MYCBP2: variants seen among roughly 807,000 people sequenced by gnomAD.
The protein encoded by MYCBP2 is E3 ubiquitin-protein ligase MYCBP2.
Under a neutral mutation model 525.3 loss-of-function variants are expected in MYCBP2, and 120 were observed. The observed-to-expected ratio is 0.23, with a 90% CI of 0.20 to 0.27. The LOEUF is 0.27. Among genes scored for constraint, MYCBP2 ranks in the 10% least tolerant of loss-of-function variants. MYCBP2 has a pLI of 1.00. For missense variants in MYCBP2, 4,149 were observed against 5,657.1 expected, an observed-to-expected ratio of 0.73 and a Z score of 8.55; for synonymous variants, 1,894 against 1,955.8, an observed-to-expected ratio of 0.97 and a Z score of 0.83.
Position 77,205,529 on chromosome 13 carries a change from T to C in MYCBP2, c.3659A>G (p.Gln1220Arg), listed in dbSNP as rs2063225295. 1 of 1,613,550 alleles carries C rather than the reference T, an allele frequency of 6.2e-7. No homozygotes were observed. Among genetic ancestry groups the C allele is most frequent in the Non-Finnish European group, 8.5e-7 (1 of 1,179,780 alleles). ...MGVASTEEET[Q>R]AVMKVYSKED... is the part of the protein sequence containing the mutation. Reference sequence around the variant, plus strand: ...TTTAGAATAAACCTTCATTACTGCTTGAGTCTCTTCCTCTGTACTTGCAAC... The same window carrying C: ...TTTAGAATAAACCTTCATTACTGCTCGAGTCTCTTCCTCTGTACTTGCAAC... Residue 1220 changes from glutamine to arginine, a missense_variant, in exon 25 of 83, where the codon CAA (glutamine) becomes CGA (arginine). Gln to Arg is a conservative substitution (Grantham distance 43). Around this residue, in one of 21 missense-constraint regions of MYCBP2, gnomAD observed 620 missense variants for 795.5 expected, o/e 0.78. Transcript: ENST00000544440.
chr13:77,112,214 T>G (rs2048934759), intron 55 of MYCBP2, among the ~76,000 whole-genome samples: 1 of 151,160 alleles, frequency 6.6e-6, no homozygotes, highest in African/African-American at 2.4e-5. Flanking sequence ...TTGCTTGTTA[T>G]GATGGATAAC....
chr13:77,056,115 T>G (rs1276090064), intron 79 of MYCBP2, among the ~76,000 whole-genome samples: 2 of 136,748 alleles, frequency 1.5e-5, no homozygotes, highest in African/African-American at 5.2e-5. Flanking sequence ...TGTGTGTGTG[T>G]GTGTGTGTGT....
intron 69 of MYCBP2, 144 bp from the exon 70 acceptor site, chr13:77,068,975 T>C: frequency 1.4e-6 from 1 of 737,464 alleles, no homozygotes; most frequent in Non-Finnish European, 2.1e-6. Context: ...TTCTCCATCA[T>C]ATGTCATTCT....
intron 14 of MYCBP2, among the ~76,000 whole-genome samples, chr13:77,252,174 C>T (rs908610123): frequency 1.3e-5 from 2 of 152,172 alleles, no homozygotes; most frequent in Non-Finnish European, 2.9e-5. Flanking sequence ...ACCTACTATA[C>T]TCCAGGGATT....
Position 77,126,530 on chromosome 13 carries a change from T to C in MYCBP2, c.7672A>G (p.Asn2558Asp), listed in dbSNP as rs1315196354. The change falls in exon 53 of 83, where the codon AAT becomes GAT. Residue 2558 changes from asparagine (N) to aspartate (D), a missense_variant. By Grantham distance (23) the Asn-to-Asp change is conservative. Around this residue, in one of 21 missense-constraint regions of MYCBP2, gnomAD observed 692 missense variants for 852.7 expected, o/e 0.81. Transcript: ENST00000544440. ...ATGTCTTTGAAAAAGTCATCAGTAT[T>C]AGTTTTAGATTCCTGAAAATTTGAA... ...LLVPVDESKT[N>D]TDDFFKDINS... 1 of 1,611,728 alleles carries C rather than the reference T, an allele frequency of 6.2e-7. No individual in the cohort carries two copies. The highest frequency in any genetic ancestry group is 8.5e-7 in the Non-Finnish European group (1 of 1,178,974).
At chr13:77,250,281 C>A (rs2070964797) in intron 15 of MYCBP2, among the ~76,000 whole-genome samples, 1 of 151,532 alleles carries the variant, frequency 6.6e-6, no homozygotes, top group South Asian at 2.1e-4. Context: ...TTATATATGA[C>A]CTATTTAACT....
intron 55 of MYCBP2, chr13:77,109,562 G>C (rs1029028973): frequency 7.2e-5 from 11 of 152,240 alleles, no homozygotes; most frequent in African/African-American, 2.7e-4. Flanking sequence ...CCTGGCAAAA[G>C]TTCATCAGGG....
At chr13:77,118,846 T>C (rs898778122) in intron 55 of MYCBP2, among the ~76,000 whole-genome samples, 7 of 152,178 alleles carry the variant, frequency 4.6e-5, no homozygotes, top group African/African-American at 1.7e-4. Flanking sequence ...TAAATGAAGA[T>C]TTAAGTAAAT....
At chr13:77,062,776 G>A (rs961797737) in intron 73 of MYCBP2, 79 bp from the exon 74 acceptor site, 8 of 1,095,078 alleles carry the variant, frequency 7.3e-6, no homozygotes, top group Non-Finnish European at 4.2e-6. Context: ...CATCACAACA[G>A]CTCAATAAAT....
intron 44 of MYCBP2, among the ~76,000 whole-genome samples, chr13:77,160,718 A>G (rs1383650750): frequency 6.6e-6 from 1 of 152,212 alleles, no homozygotes; most frequent in Non-Finnish European, 1.5e-5. Context: ...TACTAACTAC[A>G]TATACCTAGT....
chr13:77,326,878 C>G lies in MYCBP2; in HGVS notation c.-103G>C. The stretch of plus-strand genomic sequence containing the variant: ...TTTCCAACGACGACGGCTCCGGCGG[C>G]GGCCTCTGGCTCCCGCAGCAGGGAG... On this transcript the variant is annotated 5_prime_UTR_variant, in exon 1 of 83. Coordinates refer to ENST00000544440, the MANE Select transcript of MYCBP2 (RefSeq NM_015057.5). This position sits in a 1 kb window ranked among gnomAD's most constrained non-coding sequence, Gnocchi z 4.2. 1 of 1,129,108 alleles carries G rather than the reference C, an allele frequency of 8.9e-7. No homozygotes were observed. 69.9% of individuals were successfully genotyped at this position (1,129,108 alleles called of 1,614,324 possible).
chr13:77,096,004 G>A (rs2154126282), intron 57 of MYCBP2, among the ~76,000 whole-genome samples: 1 of 151,820 alleles, frequency 6.6e-6, no homozygotes, highest in East Asian at 1.9e-4. Flanking sequence ...AGAGAAAGAA[G>A]GTGAAAAGGA....
intron 23 of MYCBP2, among the ~76,000 whole-genome samples, chr13:77,209,877 G>T (rs2063769053): frequency 6.6e-6 from 1 of 152,164 alleles, no homozygotes; most frequent in African/African-American, 2.4e-5. Flanking sequence ...AAATTACCAA[G>T]GAGTTGGCAA....
intron 14 of MYCBP2, among the ~76,000 whole-genome samples, chr13:77,254,445 T>C (rs2071797191): frequency 6.6e-6 from 1 of 151,880 alleles, no homozygotes; most frequent in Non-Finnish European, 1.5e-5. Flanking sequence ...CAATATGTTC[T>C]GTACTTTCCT....
intron 18 of MYCBP2, among the ~76,000 whole-genome samples, chr13:77,231,744 T>C (rs1282918344): frequency 6.6e-6 from 1 of 152,222 alleles, no homozygotes; most frequent in Non-Finnish European, 1.5e-5. Flanking sequence ...AGTTAAACTA[T>C]TGGGAAAACT....
intron 52 of MYCBP2, among the ~76,000 whole-genome samples, chr13:77,135,848 T>A (rs1281436502): frequency 6.6e-6 from 1 of 151,912 alleles, no homozygotes; most frequent in Non-Finnish European, 1.5e-5. Context: ...TTTTCTTTTT[T>A]TTTTTTGAGA....
At chr13:77,078,429 G>A (rs918921025) in intron 66 of MYCBP2, among the ~76,000 whole-genome samples, 2 of 152,176 alleles carry the variant, frequency 1.3e-5, no homozygotes, top group Non-Finnish European at 2.9e-5. Flanking sequence ...TAGCTGCAGT[G>A]TTATAAGTGT....
At chr13:77,206,630 G>A in intron 24 of MYCBP2, 23 bp downstream of exon 24, 6 of 1,535,256 alleles carry the variant, frequency 3.9e-6, no homozygotes, top group Non-Finnish European at 5.3e-6. Flanking sequence ...GTGAATTAAT[G>A]GTACATCAAA....
chr13:77,194,844 A>G (rs2061601526), intron 26 of MYCBP2, among the ~76,000 whole-genome samples: 1 of 152,180 alleles, frequency 6.6e-6, no homozygotes, highest in South Asian at 2.1e-4. Flanking sequence ...GTAACAAAAT[A>G]TAGTTCAAAG....
Sources: allele counts gnomAD v4.1 joint callset (sites outside exome capture counted in the v4.1 genomes callset), GRCh38; gene constraint gnomAD v4.1.1; regional missense constraint gnomAD v4.1.1; non-coding constraint Gnocchi (gnomAD v3.1); transcripts MANE v1.5; gene names NCBI Gene and HGNC (gene_info 2026-07-23, HGNC 2026-07-21).